FXN: variants seen among roughly 807,000 people sequenced by gnomAD.
FXN encodes the protein frataxin.
FXN carries 14 observed loss-of-function variants against 22.4 expected under a neutral mutation model. The observed-to-expected ratio is 0.62, with a 90% confidence interval of 0.41 to 0.98. The LOEUF is 0.98. Among genes scored for constraint, FXN ranks in the 50% least tolerant of loss-of-function variants. The pLI, the probability that FXN is intolerant of heterozygous loss-of-function variation, is 0.00. For missense variants in FXN, 267 were observed against 268.4 expected (o/e 0.99, Z 0.04); for synonymous variants, 120 against 114.1 (o/e 1.05, Z -0.33).
chr9:69,051,363 T>G (rs189183435), intron 2 of FXN, among the ~76,000 whole-genome samples: 3 of 152,216 alleles, frequency 2.0e-5, no homozygotes, highest in African/African-American at 7.2e-5. Flanking sequence ...ATTACAGGCA[T>G]GAGCCACTGC....
rs548802677 is a variant in FXN at position 69,067,606 on chromosome 9, C to A, written c.482+2571C>A. 2.5e-4 allele frequency among the ~76,000 whole-genome samples: 38 copies of A among 152,176 alleles called. 2 individuals carry two copies. The South Asian group carries it at 7.5e-3, about 30-fold the overall frequency. On this transcript the variant is annotated intron_variant, in intron 4 of 4. Transcript: ENST00000484259. Reference sequence around the variant, plus strand: ...AGAAGCTGTTGTGTCAATATCAAAGCCTCAAAACAACAACAACAACAACAA... The same window carrying A: ...AGAAGCTGTTGTGTCAATATCAAAGACTCAAAACAACAACAACAACAACAA...
In FXN at chr9:69,076,567, A is replaced by G. The variant is rs147177647; in HGVS notation, c.*3805A>G. The G allele has an allele frequency of 7.0e-3, 6,909 of 985,416 alleles. 31 individuals are homozygous for G. Among genetic ancestry groups the G allele is most frequent in the Non-Finnish European group, 7.9e-3 (6,544 of 829,922 alleles). The allele number at this position is 985,416 out of a possible 1,614,324, so 61.0% of individuals were successfully genotyped here. On this transcript the variant is annotated 3_prime_UTR_variant, in exon 5 of 5. Coordinates refer to ENST00000484259, the MANE Select transcript of FXN (RefSeq NM_000144.5). ...AAAATTTGACAGTTTGCATTAAATT[A>G]TAGGTTTACAATATGCTTTATCCAG...
intron 4 of FXN, 66 bp downstream of exon 4, chr9:69,065,101 G>C (rs1832145340): frequency 1.6e-6 from 2 of 1,254,510 alleles, no homozygotes; most frequent in Admixed American, 1.7e-5. Context: ...TGACATTGTG[G>C]ACCATTTAAG....
intron 2 of FXN, among the ~76,000 whole-genome samples, chr9:69,052,625 C>T (rs1260907499): frequency 6.8e-6 from 1 of 147,470 alleles, no homozygotes; most frequent in Non-Finnish European, 1.5e-5. Flanking sequence ...TCACTGCAAG[C>T]TCCGCCTCCC....
In FXN at chr9:69,075,235, A is replaced by G; in HGVS notation, c.*2473A>G. Reference sequence around the variant, plus strand: ...CACTTTGGGAGGCTGAGGCAAGTGTATCACCTGAGGTCAGGAGTTCAAGAC... The same window carrying G: ...CACTTTGGGAGGCTGAGGCAAGTGTGTCACCTGAGGTCAGGAGTTCAAGAC... On this transcript the variant is annotated 3_prime_UTR_variant, in exon 5 of 5. Transcript: ENST00000484259. 1.4e-6 allele frequency: 1 copy of G among 715,362 alleles called. No individual in the cohort carries two copies. The allele number at this position is 715,362 out of a possible 1,614,324, so 44.3% of individuals were successfully genotyped here. A position where few individuals can be genotyped will look rare whatever the true frequency, so the allele number is the denominator to read the frequency against.
intron 2 of FXN, among the ~76,000 whole-genome samples, chr9:69,047,160 A>G (rs1268915879): frequency 2.6e-5 from 4 of 152,168 alleles, no homozygotes; most frequent in African/African-American, 9.7e-5. Flanking sequence ...CCTGCCAACC[A>G]GTATCTGCAT....
intron 1 of FXN, among the ~76,000 whole-genome samples, chr9:69,036,959 GC>G (rs1831560963): frequency 6.6e-6 from 1 of 152,116 alleles, no homozygotes; most frequent in African/African-American, 2.4e-5. Context: ...TGGCTGGTAC[GC>G]CGCATGTATT....
chr9:69,042,000 T>C (rs1023353542), intron 1 of FXN, among the ~76,000 whole-genome samples: 3 of 152,112 alleles, frequency 2.0e-5, no homozygotes, highest in Non-Finnish European at 4.4e-5. Context: ...CCCAGCACTT[T>C]GGGAGGCCAA....
intron 3 of FXN, among the ~76,000 whole-genome samples, chr9:69,061,906 T>G (rs1832080883): frequency 6.6e-6 from 1 of 152,186 alleles, no homozygotes; most frequent in Admixed American, 6.5e-5. Flanking sequence ...TGTGCCACAT[T>G]TTCTTAATCC....
chr9:69,042,946 G>T lies in FXN; in HGVS notation c.166-3439G>T, dbSNP rs546083442. On this transcript the variant is annotated intron_variant, in intron 1 of 4. Transcript: ENST00000484259. ...TGCCACTTAATGTCTGTGTATCTGT[G>T]TAGGCAAGTTACCCTTTGGTGCGTC... Among the ~76,000 whole-genome samples the T allele has an allele frequency of 1.6e-4, 25 of 152,310 alleles. No individual in the cohort carries two copies. The South Asian group carries it at 4.8e-3, about 29-fold the overall frequency.
chr9:69,060,838 G>A (rs755563750), intron 3 of FXN, among the ~76,000 whole-genome samples: 1 of 152,274 alleles, frequency 6.6e-6, no homozygotes, highest in Non-Finnish European at 1.5e-5. Context: ...TTTTGCAGGA[G>A]GGATGGAGGT....
intron 3 of FXN, among the ~76,000 whole-genome samples, chr9:69,062,671 C>A (rs1587827046): frequency 6.8e-6 from 1 of 147,286 alleles, no homozygotes; most frequent in South Asian, 2.1e-4. Flanking sequence ...AAAAAAACAT[C>A]TTTTTTTTAG....
At chr9:69,064,102 A>G (rs1832124420) in intron 3 of FXN, among the ~76,000 whole-genome samples, 1 of 152,224 alleles carries the variant, frequency 6.6e-6, no homozygotes, top group African/African-American at 2.4e-5. Flanking sequence ...AGTCATGCAC[A>G]AGATGGGGAA....
chr9:69,038,654 C>G (rs1420657235), intron 1 of FXN, among the ~76,000 whole-genome samples: 1 of 151,732 alleles, frequency 6.6e-6, no homozygotes, highest in African/African-American at 2.4e-5. Flanking sequence ...GGTGAAACCC[C>G]ATCTCTACTA....
rs747053499 is a variant in FXN, at chr9:69,071,187, C to CA, written c.483-1424dup. 1.2e-5 allele frequency: 6 copies of CA among 519,018 alleles called. No individual in the cohort carries two copies. In the East Asian group the frequency reaches 2.7e-4, roughly 24 times the overall value. The allele number at this position is 519,018 out of a possible 1,614,324, so 32.2% of individuals were successfully genotyped here. A position where few individuals can be genotyped will look rare whatever the true frequency, so the allele number is the denominator to read the frequency against. On this transcript the variant is annotated intron_variant, in intron 4 of 4. Coordinates refer to ENST00000484259, the MANE Select transcript of FXN (RefSeq NM_000144.5). ...CTGCCTGGCAACCCGATAGCAGTAT[C>CA]AGAGTATAGGGCCAAGGGGACGGTC... is the stretch of plus-strand genomic sequence containing the variant.
chr9:69,078,028 A>C lies in FXN; in HGVS notation c.*5266A>C, dbSNP rs11145072. ...CATTTCCCAATTACATTCCTTTCCT[A>C]CCGCACTCTATGATGCTAGCTGAGA... On this transcript the variant is annotated 3_prime_UTR_variant, in exon 5 of 5. Transcript: ENST00000484259. 465,783 of 984,334 alleles carry C rather than the reference A, an allele frequency of 0.47. 111,528 individuals are homozygous for C. Among genetic ancestry groups the C allele is most frequent in the East Asian group, 0.65 (5,685 of 8,792 alleles). The allele number at this position is 984,334 out of a possible 1,614,324, so 61.0% of individuals were successfully genotyped here.
intron 3 of FXN, among the ~76,000 whole-genome samples, chr9:69,057,968 A>G (rs1378729731): frequency 6.6e-6 from 1 of 152,224 alleles, no homozygotes; most frequent in Non-Finnish European, 1.5e-5. Flanking sequence ...TGCCAAGTAC[A>G]TAGTAGGGAC....
At chr9:69,061,106 C>T (rs1832063893) in intron 3 of FXN, among the ~76,000 whole-genome samples, 1 of 152,190 alleles carries the variant, frequency 6.6e-6, no homozygotes. Flanking sequence ...AGGGCTCTCA[C>T]ATTTGCTTAT....
Position 69,070,991 on chromosome 9 carries a change from T to TG in FXN, c.483-1621_483-1620insG, listed in dbSNP as rs549117168. Among the ~76,000 whole-genome samples the TG allele has an allele frequency of 3.9e-3, 592 of 152,086 alleles. 7 individuals are homozygous for TG. Among genetic ancestry groups the TG allele is most frequent in the African/African-American group, 0.014 (565 of 41,464 alleles). On this transcript the variant is annotated intron_variant, in intron 4 of 4. Transcript: ENST00000484259. The stretch of plus-strand genomic sequence containing the variant: ...AGCCTGTTTTTTTTGTTTGTTTGTT[T>TG]TTTTTAATTTGACAAGTTTTCAGGT...
Sources: gnomAD v4.1 joint callset for allele counts (sites outside exome capture counted in the v4.1 genomes callset) on GRCh38, gnomAD v4.1.1 for gene constraint, MANE v1.5 for transcripts, NCBI Gene and HGNC (gene_info 2026-07-23, HGNC 2026-07-21) for gene names.